DYNC2H1: variants seen among roughly 807,000 people sequenced by gnomAD.
DYNC2H1 encodes dynein cytoplasmic 2 heavy chain 1, also known as cytoplasmic dynein 2 heavy chain 1.
DYNC2H1 carries 410 observed loss-of-function variants against 570.0 expected under a neutral mutation model. The observed-to-expected ratio is 0.72, with a 90% CI of 0.66 to 0.78. DYNC2H1 has a LOEUF of 0.78. Among genes scored for constraint, DYNC2H1 ranks in the 30% least tolerant of loss-of-function variants. DYNC2H1 has a pLI of 0.00. For synonymous variants in DYNC2H1, 1,688 were observed against 1,677.6 expected (o/e 1.01, Z -0.15); for missense variants, 4,865 against 5,046.4 (o/e 0.96, Z 1.09).
chr11:103,459,958 CAAAAAAAAAAGA>C (rs1388157391), intron 87 of DYNC2H1, among the ~76,000 whole-genome samples: 16 of 70,858 alleles, frequency 2.3e-4, no homozygotes, highest in East Asian at 1.1e-3. Context: ...GACTCCGTCT[CAAAAAAAAAAGA>C]AAAAAAAAAA....
chr11:103,114,008 T>C (rs1042990364), intron 2 of DYNC2H1, 95 bp from the exon 3 acceptor site: 22 of 1,441,046 alleles, frequency 1.5e-5, no homozygotes, highest in Admixed American at 2.4e-5. Context: ...GTGGCAGGCT[T>C]TAAGAAAAAT....
chr11:103,325,610 C>T lies in DYNC2H1; in HGVS notation c.12039+1620C>T, dbSNP rs1212056591. Among the ~76,000 whole-genome samples the T allele has an allele frequency of 3.3e-5, 5 of 152,058 alleles. No individual in the cohort carries two copies. The highest frequency in any genetic ancestry group is 1.2e-4 in the African/African-American group (5 of 41,400). Reference sequence around the variant, plus strand: ...AGTTCTCTTTGTGGAGATCTTTCACCTGTATACTGCTGTTAATACTTCTGA... The same window carrying T: ...AGTTCTCTTTGTGGAGATCTTTCACTTGTATACTGCTGTTAATACTTCTGA... On this transcript the variant is annotated intron_variant, in intron 82 of 88. Transcript: ENST00000375735. The surrounding 1 kb of genome is among the most constrained non-coding windows in gnomAD (Gnocchi z 4.8).
At chr11:103,132,510 G>A (rs1037433547) in intron 13 of DYNC2H1, among the ~76,000 whole-genome samples, 3 of 151,954 alleles carry the variant, frequency 2.0e-5, no homozygotes, top group Non-Finnish European at 2.9e-5. Flanking sequence ...TCTCATTCAA[G>A]TTGTGATTTT....
rs542508412 is a variant in DYNC2H1 at position 103,245,228 on chromosome 11, C to T, written c.9919-23C>T. The T allele has an allele frequency of 7.5e-5, 110 of 1,459,398 alleles. No individual in the cohort carries two copies. Among genetic ancestry groups the T allele is most frequent in the African/African-American group, 1.0e-4 (7 of 69,924 alleles). 90.4% of individuals were successfully genotyped at this position (1,459,398 alleles called of 1,614,324 possible). A position where few individuals can be genotyped will look rare whatever the true frequency, so the allele number is the denominator to read the frequency against. ...TATTAAAGTAATTAAATAATTAATA[C>T]GTATTCTTTTTTATTCAATTAGGAT... On this transcript the variant is annotated intron_variant, in intron 64 of 88. Coordinates refer to ENST00000375735, the MANE Select transcript of DYNC2H1 (RefSeq NM_001377.3). This position sits in a 1 kb window ranked among gnomAD's most constrained non-coding sequence, Gnocchi z 4.5.
At chr11:103,341,472 T>C (rs747991352) in intron 82 of DYNC2H1, among the ~76,000 whole-genome samples, 44 of 152,178 alleles carry the variant, frequency 2.9e-4, no homozygotes, top group Non-Finnish European at 5.7e-4. Context: ...GGCCACTTAG[T>C]ATTATCTGGG....
chr11:103,332,743 T>G (rs2135464852), intron 82 of DYNC2H1, among the ~76,000 whole-genome samples: 1 of 152,364 alleles, frequency 6.6e-6, no homozygotes, highest in African/African-American at 2.4e-5. Flanking sequence ...GGCTCACGCC[T>G]GCTATTCCAG....
rs553000328 is a variant in DYNC2H1, at chr11:103,427,894, T to C, written c.12367-8049T>C. ...TCGCTTTTTAAAAACTGTACACATT[T>C]TGAGTAGAATTTATCATTCTCCACT... On this transcript the variant is annotated intron_variant, in intron 84 of 88. Coordinates refer to ENST00000375735, the MANE Select transcript of DYNC2H1 (RefSeq NM_001377.3). Among the ~76,000 whole-genome samples, 4 of 152,080 alleles carry C rather than the reference T, an allele frequency of 2.6e-5. No individual in the cohort carries two copies. In the East Asian group the frequency reaches 7.7e-4, roughly 29 times the overall value.
Position 103,241,090 on chromosome 11 carries a change from A to G in DYNC2H1, c.9820-2603A>G, listed in dbSNP as rs1291478274. Reference sequence around the variant, plus strand: ...TCTCTCTTGTCTTAGTTTGACTTGAACTGTTTTCTAGCCATAACTTCACCT... The same window carrying G: ...TCTCTCTTGTCTTAGTTTGACTTGAGCTGTTTTCTAGCCATAACTTCACCT... On this transcript the variant is annotated intron_variant, in intron 63 of 88. Coordinates refer to ENST00000375735, the MANE Select transcript of DYNC2H1 (RefSeq NM_001377.3). This position sits in a 1 kb window ranked among gnomAD's most constrained non-coding sequence, Gnocchi z 5.1. Among the ~76,000 whole-genome samples, 2 of 152,064 alleles carry G rather than the reference A, an allele frequency of 1.3e-5. No individual in the cohort carries two copies. The highest frequency in any genetic ancestry group is 2.9e-5 in the Non-Finnish European group (2 of 68,004).
chr11:103,457,683 T>A (rs931080380), intron 87 of DYNC2H1, among the ~76,000 whole-genome samples: 2 of 152,074 alleles, frequency 1.3e-5, no homozygotes, highest in African/African-American at 4.8e-5. Flanking sequence ...AAGTAAAAAG[T>A]GTTTATGTTT....
Position 103,254,410 on chromosome 11 carries a change from T to G in DYNC2H1, c.10206+962T>G, listed in dbSNP as rs1191885441. Among the ~76,000 whole-genome samples, 1 of 152,196 alleles carries G rather than the reference T, an allele frequency of 6.6e-6. No homozygotes were observed. Among genetic ancestry groups the G allele is most frequent in the Non-Finnish European group, 1.5e-5 (1 of 68,022 alleles). On this transcript the variant is annotated intron_variant, in intron 66 of 88. Transcript: ENST00000375735. This position sits in a 1 kb window ranked among gnomAD's most constrained non-coding sequence, Gnocchi z 4.9. ...ATTTTATACCAATGTCTTTCTCTAT[T>G]TTAGTATTCAGAGTTAACAATTTGA...
Position 103,311,862 on chromosome 11 carries a change from T to C in DYNC2H1, c.11494-16T>C, listed in dbSNP as rs1215187899. The C allele has an allele frequency of 1.3e-6, 2 of 1,596,792 alleles. No homozygotes were observed. Among genetic ancestry groups the C allele is most frequent in the African/African-American group, 2.7e-5 (2 of 74,482 alleles). On this transcript the variant is annotated splice_polypyrimidine_tract_variant and intron_variant, in intron 78 of 88. Coordinates refer to ENST00000375735, the MANE Select transcript of DYNC2H1 (RefSeq NM_001377.3). Reference sequence around the variant, plus strand: ...TAGGATTTTAGCAATAGGATGTCTGTTGATTTTTTTTCTAGTCACCTCCAG... The same window carrying C: ...TAGGATTTTAGCAATAGGATGTCTGCTGATTTTTTTTCTAGTCACCTCCAG...
rs1859152002 is a variant in DYNC2H1, at chr11:103,129,378, T to C, written c.1953+373T>C. Among the ~76,000 whole-genome samples, 1 of 152,174 alleles carries C rather than the reference T, an allele frequency of 6.6e-6. No homozygotes were observed. Among genetic ancestry groups the C allele is most frequent in the African/African-American group, 2.4e-5 (1 of 41,466 alleles). ...TCCTTTTTATTTGTGGTTATTTAAA[T>C]GTCTGTATATAAGAAATTAGGAGGC... On this transcript the variant is annotated intron_variant, in intron 13 of 88. Transcript: ENST00000375735. The surrounding 1 kb of genome is among the most constrained non-coding windows in gnomAD (Gnocchi z 4.1).
At chr11:103,384,619 C>T (rs1425620053) in intron 83 of DYNC2H1, among the ~76,000 whole-genome samples, 1 of 151,932 alleles carries the variant, frequency 6.6e-6, no homozygotes, top group African/African-American at 2.4e-5. Context: ...GTTTTTTGTA[C>T]ATACATAGCT....
intron 87 of DYNC2H1, among the ~76,000 whole-genome samples, chr11:103,458,549 T>TA (rs897025825): frequency 6.6e-6 from 1 of 152,160 alleles, no homozygotes; most frequent in Non-Finnish European, 1.5e-5. Context: ...AATTAGTATA[T>TA]AAAAAATCTT....
chr11:103,288,398 C>T (rs533001910), intron 75 of DYNC2H1, among the ~76,000 whole-genome samples: 1 of 152,148 alleles, frequency 6.6e-6, no homozygotes, highest in African/African-American at 2.4e-5. Context: ...CTTGTTCATT[C>T]TTGGGCACAG....
chr11:103,117,989 A>T, intron 6 of DYNC2H1, 126 bp downstream of exon 6: 14 of 757,018 alleles, frequency 1.8e-5, no homozygotes, highest in Non-Finnish European at 2.5e-5. Flanking sequence ...AGAGAATAGG[A>T]ATTAAAGTTC....
rs191958768 is a variant in DYNC2H1, at chr11:103,133,196, G to A, written c.1954-359G>A. 3.1e-4 allele frequency among the ~76,000 whole-genome samples: 47 copies of A among 152,236 alleles called. 2 individuals carry two copies. Among genetic ancestry groups the A allele is most frequent in the Middle Eastern group, 3.4e-3 (1 of 294 alleles). On this transcript the variant is annotated intron_variant, in intron 13 of 88. Transcript: ENST00000375735. The surrounding 1 kb of genome is among the most constrained non-coding windows in gnomAD (Gnocchi z 4.8). ...CTGTGCCTGTCAGTGGTTCCAGATT[G>A]GAATCTTCTCTAGCGCCCTGTCCTG...
intron 83 of DYNC2H1, among the ~76,000 whole-genome samples, chr11:103,396,251 G>GGTGTTATGGGGAT: frequency 6.6e-6 from 1 of 152,184 alleles, no homozygotes; most frequent in Non-Finnish European, 1.5e-5. Flanking sequence ...CCTTGTACAA[G>GGTGTTATGGGGAT]TGATAATCTA....
At chr11:103,476,249 AT>A (rs202021807) in intron 88 of DYNC2H1, among the ~76,000 whole-genome samples, 1 of 151,088 alleles carries the variant, frequency 6.6e-6, no homozygotes, top group East Asian at 1.9e-4. Flanking sequence ...CAAATCCCAC[AT>A]TTTTTTTTCT....
Sources: allele counts gnomAD v4.1 joint callset (sites outside exome capture counted in the v4.1 genomes callset), GRCh38; gene constraint gnomAD v4.1.1; non-coding constraint Gnocchi (gnomAD v3.1); transcripts MANE v1.5; gene names NCBI Gene and HGNC (gene_info 2026-07-23, HGNC 2026-07-21).